PLCXD3: variants seen among roughly 807,000 people sequenced by gnomAD.
PLCXD3 encodes phosphatidylinositol specific phospholipase C X domain containing 3.
Under a neutral mutation model 25.5 loss-of-function variants are expected in PLCXD3, and 19 were observed. That is an observed-to-expected ratio of 0.75 (90% CI 0.52 to 1.09). PLCXD3 has a LOEUF of 1.09. Among genes scored for constraint, PLCXD3 ranks in the 50% least tolerant of loss-of-function variants. PLCXD3 has a pLI of 0.00. For missense variants in PLCXD3, 411 were observed against 388.1 expected, an observed-to-expected ratio of 1.06 and a Z score of -0.50; for synonymous variants, 174 against 137.6, an observed-to-expected ratio of 1.26 and a Z score of -1.85.
chr5:41,401,293 G>A (rs954727533), intron 1 of PLCXD3, among the ~76,000 whole-genome samples: 1 of 151,926 alleles, frequency 6.6e-6, no homozygotes, highest in African/African-American at 2.4e-5. Context: ...TCCCAAAGTT[G>A]CAAAAGTTTA....
At chr5:41,401,428 C>T (rs1746183158) in intron 1 of PLCXD3, among the ~76,000 whole-genome samples, 1 of 152,000 alleles carries the variant, frequency 6.6e-6, no homozygotes, top group Non-Finnish European at 1.5e-5. Flanking sequence ...TCCAGTTGTT[C>T]AAACACTACT....
intron 1 of PLCXD3, among the ~76,000 whole-genome samples, chr5:41,455,541 A>G (rs1234219469): frequency 6.6e-6 from 1 of 151,978 alleles, no homozygotes; most frequent in Non-Finnish European, 1.5e-5. Flanking sequence ...ACAGCACTAA[A>G]GAACCCAGAA....
At chr5:41,409,997 A>T (rs77551346) in intron 1 of PLCXD3, among the ~76,000 whole-genome samples, 16,430 of 152,186 alleles carry the variant, frequency 0.11, 1,063 homozygotes, top group Admixed American at 0.17. Flanking sequence ...AATGAATGAA[A>T]GAATTAATAA....
At chr5:41,461,464 T>A (rs1487868683) in intron 1 of PLCXD3, among the ~76,000 whole-genome samples, 1 of 151,936 alleles carries the variant, frequency 6.6e-6, no homozygotes, top group Non-Finnish European at 1.5e-5. Context: ...CACTTGGAAT[T>A]TTATTTTTCT....
At chr5:41,378,735 G>A (rs1745368535) in intron 2 of PLCXD3, among the ~76,000 whole-genome samples, 1 of 152,024 alleles carries the variant, frequency 6.6e-6, no homozygotes, top group African/African-American at 2.4e-5. Flanking sequence ...AGTACACTGT[G>A]AATCCTTTGG....
At chr5:41,479,864 G>C (rs1748360701) in intron 1 of PLCXD3, among the ~76,000 whole-genome samples, 1 of 152,122 alleles carries the variant, frequency 6.6e-6, no homozygotes, top group South Asian at 2.1e-4. Flanking sequence ...TTACATATAA[G>C]TATTTGCCAA....
intron 2 of PLCXD3, among the ~76,000 whole-genome samples, chr5:41,316,638 G>T (rs892638652): frequency 6.6e-6 from 1 of 152,158 alleles, no homozygotes; most frequent in Non-Finnish European, 1.5e-5. Flanking sequence ...GCCCTGAAGG[G>T]TGAGTCCCAG....
chr5:41,454,700 T>C (rs981485313), intron 1 of PLCXD3, among the ~76,000 whole-genome samples: 1 of 151,918 alleles, frequency 6.6e-6, no homozygotes, highest in African/African-American at 2.4e-5. Flanking sequence ...ACTAGAGTTA[T>C]GTATCCACAA....
chr5:41,477,669 CA>C (rs201936866), intron 1 of PLCXD3, among the ~76,000 whole-genome samples: 22 of 149,828 alleles, frequency 1.5e-4, no homozygotes, highest in African/African-American at 3.2e-4. Context: ...AGTTTGCTTC[CA>C]AAAAAAAATT....
In PLCXD3 at chr5:41,485,459, A is replaced by G. The variant is rs555902050; in HGVS notation, c.103+24965T>C. Among the ~76,000 whole-genome samples, 4 of 152,290 alleles carry G rather than the reference A, an allele frequency of 2.6e-5. No individual in the cohort carries two copies. In the South Asian group the frequency reaches 8.3e-4, roughly 32 times the overall value. ...TGGTTGCTTTAATTTAGAACTCCAG[A>G]GACCCCCTCCTTCATGTATTTGAAG... On this transcript the variant is annotated intron_variant, in intron 1 of 2. Transcript: ENST00000377801.
At chr5:41,374,819 T>G (rs1745237974) in intron 2 of PLCXD3, among the ~76,000 whole-genome samples, 1 of 152,122 alleles carries the variant, frequency 6.6e-6, no homozygotes, top group Non-Finnish European at 1.5e-5. Flanking sequence ...TGTGCTGACC[T>G]GTCTTGGGAC....
intron 2 of PLCXD3, among the ~76,000 whole-genome samples, chr5:41,337,026 C>T (rs1401444633): frequency 6.6e-6 from 1 of 152,076 alleles, no homozygotes; most frequent in African/African-American, 2.4e-5. Flanking sequence ...TTACGAGTGG[C>T]CTCTGACAAA....
intron 1 of PLCXD3, among the ~76,000 whole-genome samples, chr5:41,424,249 G>T (rs759559822): frequency 6.6e-6 from 1 of 151,870 alleles, no homozygotes; most frequent in African/African-American, 2.4e-5. Flanking sequence ...TACATAAAAG[G>T]TTGTGAATTT....
rs191973017 is a variant in PLCXD3, at chr5:41,395,362, C to T, written c.104-12828G>A. Among the ~76,000 whole-genome samples, 4 of 151,898 alleles carry T rather than the reference C, an allele frequency of 2.6e-5. No homozygotes were observed. In the East Asian group the frequency reaches 5.8e-4, roughly 22 times the overall value. On this transcript the variant is annotated intron_variant, in intron 1 of 2. Transcript: ENST00000377801. The stretch of plus-strand genomic sequence containing the variant: ...GGAAATTTATAGCTATAAGTGCCTA[C>T]ATCAAAACAAGGAAAAACTTCAAAT...
At chr5:41,439,605 G>A (rs1306620837) in intron 1 of PLCXD3, among the ~76,000 whole-genome samples, 1 of 152,110 alleles carries the variant, frequency 6.6e-6, no homozygotes, top group Non-Finnish European at 1.5e-5. Flanking sequence ...AAAGATAGGA[G>A]CCTGGGTTCC....
At chr5:41,329,248 G>T (rs370631762) in intron 2 of PLCXD3, among the ~76,000 whole-genome samples, 1 of 152,162 alleles carries the variant, frequency 6.6e-6, no homozygotes, top group African/African-American at 2.4e-5. Context: ...CATCTTTCAG[G>T]TGAAAGTTTA....
At chr5:41,329,241 C>T (rs1337761677) in intron 2 of PLCXD3, among the ~76,000 whole-genome samples, 2 of 152,218 alleles carry the variant, frequency 1.3e-5, no homozygotes, top group Admixed American at 1.3e-4. Flanking sequence ...GTACTTTCAT[C>T]TTTCAGGTGA....
chr5:41,366,002 T>C (rs1479759940), intron 2 of PLCXD3, among the ~76,000 whole-genome samples: 1 of 152,050 alleles, frequency 6.6e-6, no homozygotes, highest in Admixed American at 6.6e-5. Flanking sequence ...TGCAGGTTTG[T>C]TACATATGTA....
chr5:41,320,527 C>G (rs757368313), intron 2 of PLCXD3, among the ~76,000 whole-genome samples: 1 of 152,192 alleles, frequency 6.6e-6, no homozygotes, highest in African/African-American at 2.4e-5. Context: ...GACGGAGTCT[C>G]GCTCTGTCGC....
Sources: allele counts gnomAD v4.1 joint callset (sites outside exome capture counted in the v4.1 genomes callset), GRCh38; gene constraint gnomAD v4.1.1; transcripts MANE v1.5; gene names NCBI Gene and HGNC (gene_info 2026-07-23, HGNC 2026-07-21).